The following CD38 variants were observed in gnomAD, a reference collection of about 807,000 sequenced individuals.
CD38 encodes ADP-ribosyl cyclase/cyclic ADP-ribose hydrolase 1.
A neutral mutation model predicts 36.3 loss-of-function variants in CD38; 31 were observed. That is an observed-to-expected ratio of 0.85 (90% CI 0.64 to 1.15). The LOEUF (loss-of-function observed/expected upper bound fraction) is 1.15, where lower values mean the gene tolerates loss of function less well. CD38 is among the 50% of genes most tolerant of loss of function. The probability of loss-of-function intolerance (pLI) is 0.00; values close to 1 mark genes in which losing one functional copy is unlikely to be tolerated. For synonymous variants in CD38, 131 were observed against 135.2 expected, an observed-to-expected ratio of 0.97 and a Z score of 0.22; for missense variants, 380 against 371.9, an observed-to-expected ratio of 1.02 and a Z score of -0.18.
intron 1 of CD38, among the ~76,000 whole-genome samples, chr4:15,784,588 G>T (rs1722770403): frequency 6.6e-6 from 1 of 152,158 alleles, no homozygotes; most frequent in South Asian, 2.1e-4. Context: ...CAGAATTCCA[G>T]CATGTTTTTC....
intron 1 of CD38, among the ~76,000 whole-genome samples, chr4:15,809,511 C>G (rs1205011083): frequency 6.6e-6 from 1 of 152,172 alleles, no homozygotes; most frequent in African/African-American, 2.4e-5. Context: ...CTGGGGTCTT[C>G]CATTTTCCCC....
chr4:15,778,770 C>G lies in CD38; in HGVS notation c.233+123C>G, dbSNP rs1474123573. The stretch of plus-strand genomic sequence containing the variant: ...CGTGGCGGGTCAGCCGAGAGCCCGC[C>G]GGGTGGTGCTGAGTAGGGAGTCCCG... On this transcript the variant is annotated intron_variant, in intron 1 of 7. Transcript: ENST00000226279. The surrounding 1 kb of genome is among the most constrained non-coding windows in gnomAD (Gnocchi z 4.9). 3 of 692,736 alleles carry G rather than the reference C, an allele frequency of 4.3e-6. No homozygotes were observed. The highest frequency in any genetic ancestry group is 7.2e-6 in the Non-Finnish European group (3 of 414,288). 42.9% of individuals were successfully genotyped at this position (692,736 alleles called of 1,614,324 possible).
intron 1 of CD38, among the ~76,000 whole-genome samples, chr4:15,779,321 C>A (rs1006340685): frequency 1.3e-5 from 2 of 152,194 alleles, no homozygotes; most frequent in East Asian, 3.8e-4. Context: ...CGCAGCAACT[C>A]GGTGAATCTG....
intron 1 of CD38, 21 bp from the exon 2 acceptor site, chr4:15,816,490 A>C (rs765754447): frequency 1.9e-6 from 3 of 1,559,646 alleles, no homozygotes; most frequent in Non-Finnish European, 2.6e-6. Flanking sequence ...TTTATGTTTT[A>C]TTTTCTGTGT....
At chr4:15,791,686 C>T (rs1722996972) in intron 1 of CD38, among the ~76,000 whole-genome samples, 2 of 92,380 alleles carry the variant, frequency 2.2e-5, no homozygotes, top group East Asian at 2.7e-4. Flanking sequence ...GGGGGATCAG[C>T]CCCCCGCCTG....
At chr4:15,787,590 T>C (rs1383513067) in intron 1 of CD38, among the ~76,000 whole-genome samples, 5 of 152,234 alleles carry the variant, frequency 3.3e-5, no homozygotes, top group Admixed American at 2.6e-4. Context: ...GCCTTGTCTT[T>C]GTACTTCAGG....
chr4:15,795,122 C>T (rs987450884), intron 1 of CD38, among the ~76,000 whole-genome samples: 1 of 152,020 alleles, frequency 6.6e-6, no homozygotes, highest in Non-Finnish European at 1.5e-5. Flanking sequence ...ACCACAAAGA[C>T]AGTTTTCTTG....
intron 1 of CD38, among the ~76,000 whole-genome samples, chr4:15,791,075 T>C (rs368218209): frequency 0.11 from 9,577 of 88,028 alleles, 648 homozygotes; most frequent in African/African-American, 0.29. Flanking sequence ...CCCGGCCAGC[T>C]GCCCCGTCCG....
At position 15,825,026 on chromosome 4, in the gene CD38, T is replaced by G. The variant is rs1470350770; in HGVS notation, c.499+10T>G. 5.6e-6 allele frequency: 9 copies of G among 1,598,636 alleles called. No individual in the cohort carries two copies. The highest frequency in any genetic ancestry group is 6.8e-6 in the Non-Finnish European group (8 of 1,171,444). The stretch of plus-strand genomic sequence containing the variant: ...GAATTCAACACTTCCAGTGAGGCTC[T>G]GGGCCCTGTGGGATTGCCCAGGGAT... On this transcript the variant is annotated intron_variant, in intron 3 of 7. Coordinates refer to ENST00000226279, the MANE Select transcript of CD38 (RefSeq NM_001775.4).
intron 1 of CD38, among the ~76,000 whole-genome samples, chr4:15,792,396 G>T (rs1723019085): frequency 8.3e-6 from 1 of 120,626 alleles, no homozygotes; most frequent in Non-Finnish European, 1.6e-5. Flanking sequence ...ATCCCCCTCT[G>T]CGAGAAACAC....
chr4:15,809,718 C>T (rs1723423971), intron 1 of CD38, among the ~76,000 whole-genome samples: 1 of 152,146 alleles, frequency 6.6e-6, no homozygotes, highest in African/African-American at 2.4e-5. Flanking sequence ...GTCTCCCTGT[C>T]CCAACTGCAG....
At chr4:15,784,179 G>C (rs1722762492) in intron 1 of CD38, among the ~76,000 whole-genome samples, 1 of 152,200 alleles carries the variant, frequency 6.6e-6, no homozygotes, top group South Asian at 2.1e-4. Flanking sequence ...AGGGATGTAA[G>C]AAATGTACCC....
intron 1 of CD38, among the ~76,000 whole-genome samples, chr4:15,807,711 C>T (rs1723373429): frequency 6.6e-6 from 1 of 152,204 alleles, no homozygotes; most frequent in Non-Finnish European, 1.5e-5. Context: ...GGCAGATGAG[C>T]TGGTCTGATC....
chr4:15,800,822 T>C (rs1337547041), intron 1 of CD38, among the ~76,000 whole-genome samples: 22 of 152,042 alleles, frequency 1.4e-4, no homozygotes, highest in Admixed American at 1.4e-3. Flanking sequence ...TTCATAGTAA[T>C]GATTGCCTAC....
At chr4:15,784,551 C>T (rs1014779355) in intron 1 of CD38, among the ~76,000 whole-genome samples, 1 of 152,126 alleles carries the variant, frequency 6.6e-6, no homozygotes, top group Non-Finnish European at 1.5e-5. Flanking sequence ...ACACAAGAGA[C>T]TATGAGGGTG....
In CD38 at chr4:15,852,459, T is replaced by G. The variant is rs1204488521; in HGVS notation, c.*3857T>G. 6.6e-6 allele frequency: 1 copy of G among 152,186 alleles called. No individual in the cohort carries two copies. The highest frequency in any genetic ancestry group is 6.5e-5 in the Admixed American group (1 of 15,268). 9.4% of individuals were successfully genotyped at this position (152,186 alleles called of 1,614,324 possible). On this transcript the variant is annotated 3_prime_UTR_variant, in exon 8 of 8. Transcript: ENST00000226279. ...CATACTGCACAGAAAACTGCTTTTG[T>G]GGGTTTTTAAAAGGCAAGTTGTTAT...
chr4:15,783,745 A>C (rs1206454233), intron 1 of CD38, among the ~76,000 whole-genome samples: 1 of 152,132 alleles, frequency 6.6e-6, no homozygotes, highest in Non-Finnish European at 1.5e-5. Context: ...TTTCTGATTC[A>C]TGTTCATGTC....
chr4:15,837,275 A>T (rs1403697367), intron 4 of CD38, among the ~76,000 whole-genome samples: 1 of 152,138 alleles, frequency 6.6e-6, no homozygotes, highest in Non-Finnish European at 1.5e-5. Flanking sequence ...CCAATCACTC[A>T]TGGATGTATG....
intron 1 of CD38, among the ~76,000 whole-genome samples, chr4:15,787,842 C>T (rs373203892): frequency 6.6e-6 from 1 of 152,250 alleles, no homozygotes; most frequent in African/African-American, 2.4e-5. Context: ...ATGCCGAAAG[C>T]CTGGAGCCAA....
Sources: allele counts gnomAD v4.1 joint callset (sites outside exome capture counted in the v4.1 genomes callset), GRCh38; gene constraint gnomAD v4.1.1; non-coding constraint Gnocchi (gnomAD v3.1); transcripts MANE v1.5; gene names NCBI Gene and HGNC (gene_info 2026-07-23, HGNC 2026-07-21).